PKN2: variants seen among roughly 807,000 people sequenced by gnomAD.
The protein encoded by PKN2 is protein kinase N2.
A neutral mutation model predicts 119.1 loss-of-function variants in PKN2; 38 were observed. The observed-to-expected ratio is 0.32, with a 90% CI of 0.25 to 0.42. PKN2 has a LOEUF of 0.42. Ranked by LOEUF, PKN2 falls within the 10% of genes least tolerant of loss-of-function variation. The pLI is 1.00. For synonymous variants in PKN2, 390 were observed against 384.9 expected (o/e 1.01, Z -0.15); for missense variants, 850 against 1,165.1 (o/e 0.73, Z 3.94).
intron 1 of PKN2, among the ~76,000 whole-genome samples, chr1:88,734,929 C>T (rs553000368): frequency 1.1e-3 from 166 of 151,676 alleles, no homozygotes; most frequent in African/African-American, 3.7e-3. Context: ...TTTGATGTCC[C>T]ATTTTACATC....
chr1:88,792,714 C>T (rs1239139072), intron 8 of PKN2, among the ~76,000 whole-genome samples: 1 of 152,128 alleles, frequency 6.6e-6, no homozygotes, highest in East Asian at 1.9e-4. Flanking sequence ...TCCTTTTCTT[C>T]TTTTACAGTG....
At chr1:88,726,247 G>T (rs1002766419) in intron 1 of PKN2, among the ~76,000 whole-genome samples, 27 of 152,230 alleles carry the variant, frequency 1.8e-4, no homozygotes, top group African/African-American at 6.5e-4. Flanking sequence ...AGACATCCTT[G>T]TCCTAATGCC....
intron 6 of PKN2, among the ~76,000 whole-genome samples, chr1:88,776,585 C>T (rs374058931): frequency 6.6e-6 from 1 of 151,804 alleles, no homozygotes; most frequent in Non-Finnish European, 1.5e-5. Flanking sequence ...ACTAAGAATA[C>T]AGAAATTAGC....
intron 1 of PKN2, among the ~76,000 whole-genome samples, chr1:88,734,858 T>C (rs1668275668): frequency 6.6e-6 from 1 of 152,184 alleles, no homozygotes; most frequent in Non-Finnish European, 1.5e-5. Flanking sequence ...ATTGTAAAGA[T>C]AGGAAAAGAA....
chr1:88,806,370 A>G (rs142998719), intron 12 of PKN2: 26 of 259,016 alleles, frequency 1.0e-4, no homozygotes, highest in African/African-American at 5.3e-4. Context: ...GGATTTCATT[A>G]TATTGGTCAG....
chr1:88,692,769 GTCT>G (rs1415826314), intron 1 of PKN2, among the ~76,000 whole-genome samples: 3 of 152,048 alleles, frequency 2.0e-5, no homozygotes, highest in South Asian at 2.1e-4. Context: ...CATTGTGAAT[GTCT>G]TCTTTCAGTT....
intron 8 of PKN2, among the ~76,000 whole-genome samples, chr1:88,796,773 G>A (rs528307975): frequency 2.6e-4 from 40 of 152,158 alleles, no homozygotes; most frequent in Non-Finnish European, 4.0e-4. Context: ...CAGAATTTCC[G>A]TCTTCCAAAG....
chr1:88,701,149 A>G (rs1666753233), intron 1 of PKN2, among the ~76,000 whole-genome samples: 1 of 152,206 alleles, frequency 6.6e-6, no homozygotes, highest in Non-Finnish European at 1.5e-5. Flanking sequence ...AATCGTTAAA[A>G]CAACTCAGTT....
Position 88,789,691 on chromosome 1 carries a change from T to TAATAACAAC in PKN2, c.1281+3480_1281+3481insTAACAACAA, listed in dbSNP as rs887795312. The stretch of plus-strand genomic sequence containing the variant: ...ATAATAATAATAATAATAATAATAA[T>TAATAACAAC]AACAACAACAAAATAAGATTATAAG... On this transcript the variant is annotated intron_variant, in intron 8 of 21. Transcript: ENST00000370521. Among the ~76,000 whole-genome samples, 953 of 123,268 alleles carry TAATAACAAC rather than the reference T, an allele frequency of 7.7e-3. 10 individuals are homozygous for TAATAACAAC. The highest frequency in any genetic ancestry group is 0.027 in the African/African-American group (913 of 33,712). The allele number at this position is 123,268 out of a possible 152,430, so 80.9% of individuals were successfully genotyped here. A position where few individuals can be genotyped will look rare whatever the true frequency, so the allele number is the denominator to read the frequency against.
Position 88,771,429 on chromosome 1 carries a change from G to C in PKN2, c.631G>C (p.Val211Leu). ...NELAFDNAKP[V>L]ISPLELRMEE... ...TTTTTTTTCCTTTCTAGCAAAACCT[G>C]TGATAAGTCCTCTTGAACTTCGGAT... Residue 211 changes from valine to leucine, a missense_variant, in exon 5 of 22, where the codon GTG becomes CTG. Physicochemically the swap from Val to Leu is conservative, Grantham distance 32. This residue lies in a region of PKN2 where 350 missense variants were observed against 511.1 expected (regional missense o/e 0.68). Transcript: ENST00000370521. The C allele has an allele frequency of 6.3e-7, 1 of 1,590,960 alleles. No individual in the cohort carries two copies. The highest frequency in any genetic ancestry group is 8.5e-7 in the Non-Finnish European group (1 of 1,173,048).
intron 1 of PKN2, among the ~76,000 whole-genome samples, chr1:88,705,924 A>G (rs993959569): frequency 1.5e-4 from 23 of 152,044 alleles, no homozygotes; most frequent in Non-Finnish European, 2.9e-5. Context: ...ATCTGGGAGT[A>G]TTAGTCTTCC....
intron 4 of PKN2, 88 bp downstream of exon 4, chr1:88,770,557 G>A (rs1669845501): frequency 2.8e-6 from 2 of 717,180 alleles, no homozygotes; most frequent in South Asian, 3.5e-5. Context: ...AAAGTTAAGA[G>A]GGAGGAAGCA....
intron 6 of PKN2, among the ~76,000 whole-genome samples, chr1:88,783,777 C>G (rs1432199094): frequency 6.6e-6 from 1 of 152,056 alleles, no homozygotes; most frequent in Admixed American, 6.6e-5. Flanking sequence ...TTTTGAACAC[C>G]TTTAGTATTT....
At chr1:88,828,376 A>G (rs1672594343) in intron 18 of PKN2, 105 bp from the exon 19 acceptor site, 1 of 914,676 alleles carries the variant, frequency 1.1e-6, no homozygotes, top group Non-Finnish European at 1.7e-6. Flanking sequence ...TTCACCATGC[A>G]CAAATGTGCA....
chr1:88,797,114 A>G (rs900439960), intron 8 of PKN2, among the ~76,000 whole-genome samples: 8 of 151,886 alleles, frequency 5.3e-5, no homozygotes, highest in Non-Finnish European at 8.8e-5. Context: ...CGGGCGGATC[A>G]CCTGAGGTCA....
intron 1 of PKN2, among the ~76,000 whole-genome samples, chr1:88,720,935 G>C (rs762389211): frequency 2.0e-5 from 3 of 152,170 alleles, no homozygotes; most frequent in Non-Finnish European, 4.4e-5. Flanking sequence ...ATTCTATCCA[G>C]GCTGCTTGCA....
At chr1:88,783,682 A>G (rs181355500) in intron 6 of PKN2, among the ~76,000 whole-genome samples, 77 of 152,338 alleles carry the variant, frequency 5.1e-4, no homozygotes, top group South Asian at 1.0e-3. Context: ...CGGAAGCATT[A>G]TTTAAATTCT....
chr1:88,748,036 T>G (rs1416503999), intron 2 of PKN2, among the ~76,000 whole-genome samples: 1 of 152,272 alleles, frequency 6.6e-6, no homozygotes, highest in East Asian at 1.9e-4. Flanking sequence ...TTCCTTGTCT[T>G]TAAAATCATG....
intron 8 of PKN2, among the ~76,000 whole-genome samples, chr1:88,799,130 A>G: frequency 6.6e-6 from 1 of 152,216 alleles, no homozygotes; most frequent in East Asian, 1.9e-4. Flanking sequence ...GTGGATTGAC[A>G]TAGGAAGCAG....
Sources: allele counts gnomAD v4.1 joint callset (sites outside exome capture counted in the v4.1 genomes callset), GRCh38; gene constraint gnomAD v4.1.1; regional missense constraint gnomAD v4.1.1; transcripts MANE v1.5; gene names NCBI Gene and HGNC (gene_info 2026-07-23, HGNC 2026-07-21).